The following PEX14 variants were observed in gnomAD, a reference collection of about 807,000 sequenced individuals.
PEX14 encodes peroxisomal membrane protein PEX14.
In PEX14, 15 loss-of-function variants were observed where a neutral mutation model predicts 49.5. The ratio of observed to expected loss-of-function variants is 0.30; its 90% CI spans 0.20 to 0.47. The LOEUF (loss-of-function observed/expected upper bound fraction) is 0.47, where lower values mean the gene tolerates loss of function less well. Among genes scored for constraint, PEX14 ranks in the 20% least tolerant of loss-of-function variants. The pLI is 1.00. For synonymous variants in PEX14, 210 were observed against 212.7 expected (o/e 0.99, Z 0.11); for missense variants, 398 against 494.8 (o/e 0.80, Z 1.86).
chr1:10,534,469 CT>C (rs1442772993), intron 2 of PEX14, among the ~76,000 whole-genome samples: 1 of 152,080 alleles, frequency 6.6e-6, no homozygotes, highest in Non-Finnish European at 1.5e-5. Flanking sequence ...ATCCCCTTTT[CT>C]TTTTTCTCTT....
chr1:10,619,942 C>T (rs909962587), intron 5 of PEX14, among the ~76,000 whole-genome samples: 5 of 151,804 alleles, frequency 3.3e-5, no homozygotes, highest in African/African-American at 1.2e-4. Flanking sequence ...GGTGAAACCC[C>T]GACTCTACTA....
intron 4 of PEX14, among the ~76,000 whole-genome samples, chr1:10,604,279 A>G (rs1641067558): frequency 6.6e-6 from 1 of 152,174 alleles, no homozygotes. Flanking sequence ...GATAGACAAG[A>G]GCATTCCAGG....
intron 3 of PEX14, among the ~76,000 whole-genome samples, chr1:10,545,858 A>G (rs980700380): frequency 6.6e-6 from 1 of 152,156 alleles, no homozygotes; most frequent in Non-Finnish European, 1.5e-5. Context: ...AGCCTAGACA[A>G]CACAGTGAGA....
chr1:10,520,148 C>CTTTTTTTTTTTTTTTTTTT lies in PEX14; in HGVS notation c.85-16051_85-16050insTTTTTTTTTTTTTTTTTTT, dbSNP rs565247030. Reference sequence around the variant, plus strand: ...AGCTGTTGTGCCTGGCCTTCTTCTTCTTTTTTTTTTTTTTGTTTTTTTAAC... The same window carrying CTTTTTTTTTTTTTTTTTTT: ...AGCTGTTGTGCCTGGCCTTCTTCTTCTTTTTTTTTTTTTTTTTTTTTTTTTTTTTTTTTGTTTTTTTAAC... On this transcript the variant is annotated intron_variant, in intron 2 of 8. Transcript: ENST00000356607. 3.4e-3 allele frequency among the ~76,000 whole-genome samples: 233 copies of CTTTTTTTTTTTTTTTTTTT among 69,082 alleles called. 5 individuals carry two copies. The highest frequency in any genetic ancestry group is 6.0e-3 in the East Asian group (14 of 2,318). The allele number at this position is 69,082 out of a possible 152,430, so 45.3% of individuals were successfully genotyped here.
intron 3 of PEX14, among the ~76,000 whole-genome samples, chr1:10,583,161 A>T (rs1012960260): frequency 6.6e-6 from 1 of 151,778 alleles, no homozygotes; most frequent in Non-Finnish European, 1.5e-5. Flanking sequence ...GACCTCTCAA[A>T]ACCTGAACAT....
At chr1:10,621,016 G>C (rs183110326) in intron 5 of PEX14, among the ~76,000 whole-genome samples, 1 of 152,204 alleles carries the variant, frequency 6.6e-6, no homozygotes, top group Non-Finnish European at 1.5e-5. Flanking sequence ...TGACGGGAGC[G>C]GGAGGGCAGC....
intron 5 of PEX14, among the ~76,000 whole-genome samples, chr1:10,618,923 G>T (rs1189270006): frequency 6.6e-6 from 1 of 152,212 alleles, no homozygotes; most frequent in East Asian, 1.9e-4. Context: ...AGTCTCCCTT[G>T]TAGAGGACTC....
chr1:10,552,532 G>C (rs573475977), intron 3 of PEX14, among the ~76,000 whole-genome samples: 1 of 152,056 alleles, frequency 6.6e-6, no homozygotes, highest in Admixed American at 6.5e-5. Context: ...ATCAATTGTT[G>C]GTTCCCAGTT....
intron 3 of PEX14, among the ~76,000 whole-genome samples, chr1:10,559,457 G>A (rs1022711802): frequency 2.0e-5 from 3 of 152,122 alleles, no homozygotes; most frequent in Admixed American, 1.3e-4. Flanking sequence ...TTTGTCAAGC[G>A]GAAAAGCTGA....
At chr1:10,485,412 G>A (rs1353178120) in intron 1 of PEX14, among the ~76,000 whole-genome samples, 1 of 149,746 alleles carries the variant, frequency 6.7e-6, no homozygotes, top group Non-Finnish European at 1.5e-5. Flanking sequence ...CAAGTCCTGG[G>A]CTCAAGTGAT....
intron 1 of PEX14, among the ~76,000 whole-genome samples, chr1:10,481,915 A>G (rs556139465): frequency 7.2e-6 from 1 of 138,766 alleles, no homozygotes; most frequent in African/African-American, 2.8e-5. Context: ...ACTGCTTCCC[A>G]GGCTCAAGCC....
At chr1:10,516,301 CTG>C (rs750416418) in intron 2 of PEX14, among the ~76,000 whole-genome samples, 11 of 152,184 alleles carry the variant, frequency 7.2e-5, no homozygotes, top group Non-Finnish European at 1.5e-4. Flanking sequence ...ACTGTAGAAA[CTG>C]TGTTACTGAG....
chr1:10,477,051 C>T (rs1444344282), intron 1 of PEX14, among the ~76,000 whole-genome samples: 2 of 151,748 alleles, frequency 1.3e-5, no homozygotes, highest in Non-Finnish European at 2.9e-5. Flanking sequence ...ATGCTGGCAG[C>T]CTGGGGGAAA....
chr1:10,545,303 T>C (rs1443501446), intron 3 of PEX14, among the ~76,000 whole-genome samples: 1 of 152,236 alleles, frequency 6.6e-6, no homozygotes, highest in African/African-American at 2.4e-5. Flanking sequence ...TCAATATTTA[T>C]AAGTTTTTGT....
intron 1 of PEX14, among the ~76,000 whole-genome samples, chr1:10,481,001 AT>A (rs1482890778): frequency 6.6e-6 from 1 of 152,072 alleles, no homozygotes; most frequent in Non-Finnish European, 1.5e-5. Context: ...CACACAAGAA[AT>A]TTAAGTGTTG....
In PEX14 at chr1:10,500,373, CAAA is replaced by C. The variant is rs750781683; in HGVS notation, c.84+5079_84+5081del. 9.5e-3 allele frequency among the ~76,000 whole-genome samples: 416 copies of C among 43,638 alleles called. 1 individual carries two copies. The highest frequency in any genetic ancestry group is 0.034 in the African/African-American group (371 of 10,840). 28.6% of individuals were successfully genotyped at this position (43,638 alleles called of 152,430 possible). On this transcript the variant is annotated intron_variant, in intron 2 of 8. Transcript: ENST00000356607. Reference sequence around the variant, plus strand: ...TGGGCGACAGAGCCAGATTCTGTCTCAAAAAAAAAAAAAAAAAAAAAAAAAAAA... The same window carrying C: ...TGGGCGACAGAGCCAGATTCTGTCTCAAAAAAAAAAAAAAAAAAAAAAAAA...
chr1:10,548,254 C>A (rs1057202159), intron 3 of PEX14, among the ~76,000 whole-genome samples: 1 of 152,028 alleles, frequency 6.6e-6, no homozygotes, highest in East Asian at 1.9e-4. Context: ...AGAAAAATTT[C>A]TTTCTTATCT....
rs1044730625 is a variant in PEX14, at chr1:10,509,395, G to A, written c.84+14074G>A. On this transcript the variant is annotated intron_variant, in intron 2 of 8. Transcript: ENST00000356607. ...GGTTTATAATTTCTGTTTATCAAATGATTCTCATTATTATTATTTCTATTG... is the reference window on the plus strand; with the variant it reads ...GGTTTATAATTTCTGTTTATCAAATAATTCTCATTATTATTATTTCTATTG... Among the ~76,000 whole-genome samples, 8 of 152,314 alleles carry A rather than the reference G, an allele frequency of 5.3e-5. No individual in the cohort carries two copies. The East Asian group carries it at 1.5e-3, about 29-fold the overall frequency.
rs553942714 is a variant in PEX14, at chr1:10,610,923, C to G, written c.299-7409C>G. Among the ~76,000 whole-genome samples, 9 of 152,254 alleles carry G rather than the reference C, an allele frequency of 5.9e-5. No homozygotes were observed. The South Asian group carries it at 1.5e-3, about 25-fold the overall frequency. ...CCTTCTTCCTCTTCCTGTTCTTCTTCTCCCTTTCCCATGACCACAATTCTT... is the reference window on the plus strand; with the variant it reads ...CCTTCTTCCTCTTCCTGTTCTTCTTGTCCCTTTCCCATGACCACAATTCTT... On this transcript the variant is annotated intron_variant, in intron 4 of 8. Coordinates refer to ENST00000356607, the MANE Select transcript of PEX14 (RefSeq NM_004565.3).
Sources: gnomAD v4.1 joint callset for allele counts (sites outside exome capture counted in the v4.1 genomes callset) on GRCh38, gnomAD v4.1.1 for gene constraint, MANE v1.5 for transcripts, NCBI Gene and HGNC (gene_info 2026-07-23, HGNC 2026-07-21) for gene names.